The following SOX5 variants were observed in gnomAD, a reference collection of about 807,000 sequenced individuals.
The protein encoded by SOX5 is transcription factor SOX-5.
A neutral mutation model predicts 92.0 loss-of-function variants in SOX5; 9 were observed. That is an observed-to-expected ratio of 0.10 (90% CI 0.06 to 0.17). The LOEUF (loss-of-function observed/expected upper bound fraction) is 0.17. Ranked by LOEUF, SOX5 falls within the 10% of genes least tolerant of loss-of-function variation. The pLI is 1.00. For missense variants in SOX5, 642 were observed against 944.5 expected (o/e 0.68, Z 4.20); for synonymous variants, 344 against 336.3 (o/e 1.02, Z -0.25).
intron 4 of SOX5, among the ~76,000 whole-genome samples, chr12:24,186,324 C>T (rs1034613370): frequency 6.6e-5 from 10 of 152,088 alleles, no homozygotes; most frequent in Non-Finnish European, 1.3e-4. Flanking sequence ...TACACGAATG[C>T]TGAGAAATTG....
intron 1 of SOX5, among the ~76,000 whole-genome samples, chr12:23,939,156 C>G (rs1335659340): frequency 1.3e-5 from 2 of 151,132 alleles, no homozygotes; most frequent in Middle Eastern, 6.8e-3. Flanking sequence ...ATGCAAGTGA[C>G]TTATACATCA....
intron 2 of SOX5, among the ~76,000 whole-genome samples, chr12:24,355,846 C>T (rs867604751): frequency 1.3e-5 from 2 of 152,078 alleles, no homozygotes; most frequent in African/African-American, 4.8e-5. Context: ...TTCCCTTTTA[C>T]GAAACAGAAA....
intron 4 of SOX5, among the ~76,000 whole-genome samples, chr12:24,058,019 G>T (rs1958299839): frequency 1.3e-5 from 2 of 152,234 alleles, no homozygotes; most frequent in South Asian, 4.1e-4. Flanking sequence ...ATCAGAATCT[G>T]CATATTATGA....
At chr12:24,214,455 T>C (rs1026844108) in intron 3 of SOX5, among the ~76,000 whole-genome samples, 7 of 152,102 alleles carry the variant, frequency 4.6e-5, no homozygotes, top group Non-Finnish European at 1.0e-4. Flanking sequence ...ATTTTATTAT[T>C]TATTTGTGAT....
intron 9 of SOX5, among the ~76,000 whole-genome samples, chr12:23,599,367 T>A (rs1476205516): frequency 6.6e-6 from 1 of 152,252 alleles, no homozygotes; most frequent in African/African-American, 2.4e-5. Context: ...GTGCTACTGC[T>A]GAGCAAATGG....
chr12:24,334,558 G>A (rs1187565187), intron 2 of SOX5, among the ~76,000 whole-genome samples: 3 of 152,180 alleles, frequency 2.0e-5, no homozygotes, highest in Non-Finnish European at 2.9e-5. Context: ...AAGGGACAGT[G>A]AGCCTAGCAC....
chr12:23,900,261 A>T (rs2097217217), intron 1 of SOX5, among the ~76,000 whole-genome samples: 1 of 152,216 alleles, frequency 6.6e-6, no homozygotes, highest in South Asian at 2.1e-4. Flanking sequence ...ACTTGCTTTT[A>T]CAGGAGTCTC....
rs556296878 is a variant in SOX5 at position 23,826,389 on chromosome 12, C to T, written c.481+19594G>A. ...GAGAAAAGAATAAATAAAGCAACAA[C>T]GGCTTGTCCTATTGCAGCCCAGAAC... On this transcript the variant is annotated intron_variant, in intron 3 of 14. Transcript: ENST00000451604. Among the ~76,000 whole-genome samples, 9 of 152,226 alleles carry T rather than the reference C, an allele frequency of 5.9e-5. No individual in the cohort carries two copies. In the South Asian group the frequency reaches 1.7e-3, roughly 28 times the overall value.
intron 4 of SOX5, among the ~76,000 whole-genome samples, chr12:23,976,885 G>C (rs1330848674): frequency 1.7e-4 from 26 of 151,650 alleles, no homozygotes. Context: ...TTGACTTGTA[G>C]AAGAATAGAA....
rs1337359132 is a variant in SOX5, at chr12:24,492,040, A to G, written c.-251+70289T>C. On this transcript the variant is annotated intron_variant, in intron 1 of 4. Transcript: ENST00000446891. Reference sequence around the variant, plus strand: ...TAAAGCAAGAGCTACAAGCAGACACACATACATTCTCACCCACCTTTTGGT... The same window carrying G: ...TAAAGCAAGAGCTACAAGCAGACACGCATACATTCTCACCCACCTTTTGGT... 2.0e-5 allele frequency among the ~76,000 whole-genome samples: 3 copies of G among 147,024 alleles called. No individual in the cohort carries two copies. The East Asian group carries it at 5.8e-4, about 28-fold the overall frequency.
intron 4 of SOX5, among the ~76,000 whole-genome samples, chr12:23,969,790 A>G (rs1280113543): frequency 2.0e-5 from 3 of 152,364 alleles, no homozygotes; most frequent in Non-Finnish European, 4.4e-5. Flanking sequence ...CATCTGGAAC[A>G]ATATTGAGCC....
At chr12:24,527,600 GTTT>G (rs1950827676) in intron 1 of SOX5, among the ~76,000 whole-genome samples, 1 of 152,056 alleles carries the variant, frequency 6.6e-6, no homozygotes, top group Non-Finnish European at 1.5e-5. Flanking sequence ...TTTCTTTTCA[GTTT>G]TCTCTATTGT....
chr12:24,068,442 T>C (rs1941150825), intron 4 of SOX5, among the ~76,000 whole-genome samples: 1 of 151,886 alleles, frequency 6.6e-6, no homozygotes, highest in African/African-American at 2.4e-5. Context: ...TATCATGTTA[T>C]ATTTGGAAGT....
chr12:23,566,754 T>C (rs1444621908), intron 10 of SOX5, among the ~76,000 whole-genome samples: 1 of 152,212 alleles, frequency 6.6e-6, no homozygotes, highest in African/African-American at 2.4e-5. Context: ...AATATCATCT[T>C]TTATCATAAT....
intron 4 of SOX5, among the ~76,000 whole-genome samples, chr12:24,019,320 A>G (rs1490219929): frequency 6.6e-6 from 1 of 152,210 alleles, no homozygotes; most frequent in Non-Finnish European, 1.5e-5. Context: ...TTCTTTAGAT[A>G]ACATATAGAC....
chr12:23,718,461 A>G (rs1295351257), intron 6 of SOX5, among the ~76,000 whole-genome samples: 1 of 152,306 alleles, frequency 6.6e-6, no homozygotes, highest in African/African-American at 2.4e-5. Context: ...TAAGGTTCAT[A>G]ATTTCAGGGA....
chr12:24,343,799 C>T (rs1952863557), intron 2 of SOX5, among the ~76,000 whole-genome samples: 1 of 151,990 alleles, frequency 6.6e-6, no homozygotes, highest in African/African-American at 2.4e-5. Context: ...AGGACCAAGG[C>T]AGAAGTAGGA....
At chr12:23,606,680 G>C (rs2075297429) in intron 8 of SOX5, among the ~76,000 whole-genome samples, 1 of 151,842 alleles carries the variant, frequency 6.6e-6, no homozygotes, top group Admixed American at 6.6e-5. Flanking sequence ...AAAAATACAA[G>C]TATAAAAACT....
chr12:23,536,473 C>A lies in SOX5; in HGVS notation c.1968G>T (p.Met656Ile). ...KAIMRNRRQEMRQYFNVGQQA... is the reference protein window; with the variant it reads ...KAIMRNRRQEIRQYFNVGQQA... ...CATACCCAACATTGAAGTACTGCCGCATTTCCTGCCGCCTGTTGCGCATGA... is the reference window on the plus strand; with the variant it reads ...CATACCCAACATTGAAGTACTGCCGAATTTCCTGCCGCCTGTTGCGCATGA... The change falls in exon 14 of 15, where the codon ATG (methionine) becomes ATT (isoleucine). Residue 656 changes from methionine to isoleucine, a missense_variant. Met to Ile is a conservative substitution (Grantham distance 10). Transcript: ENST00000451604. 6.2e-7 allele frequency: 1 copy of A among 1,614,064 alleles called. No individual in the cohort carries two copies. The highest frequency in any genetic ancestry group is 1.3e-5 in the African/African-American group (1 of 75,064).
Sources: allele counts gnomAD v4.1 joint callset (sites outside exome capture counted in the v4.1 genomes callset), GRCh38; gene constraint gnomAD v4.1.1; transcripts MANE v1.5; gene names NCBI Gene and HGNC (gene_info 2026-07-23, HGNC 2026-07-21).